Variants in MMP20 observed in about 807,000 individuals in gnomAD.
MMP20 encodes matrix metallopeptidase 20.
A neutral mutation model predicts 51.8 loss-of-function variants in MMP20; 50 were observed. That is an observed-to-expected ratio of 0.97 (90% CI 0.77 to 1.22). MMP20 has a LOEUF of 1.22. MMP20 is among the 50% of genes most tolerant of loss of function. The pLI is 0.00. For missense variants in MMP20, 663 were observed against 601.4 expected (o/e 1.10, Z -1.07); for synonymous variants, 244 against 216.2 (o/e 1.13, Z -1.13).
At chr11:102,587,721 T>G (rs981110146) in intron 8 of MMP20, among the ~76,000 whole-genome samples, 3 of 152,158 alleles carry the variant, frequency 2.0e-5, no homozygotes, top group African/African-American at 7.2e-5. Context: ...AGTAGCATTT[T>G]TTATTTCAAA....
chr11:102,612,499 CT>C (rs1217972833), intron 2 of MMP20, among the ~76,000 whole-genome samples: 1 of 151,940 alleles, frequency 6.6e-6, no homozygotes, highest in African/African-American at 2.4e-5. Flanking sequence ...ATAAATAAAA[CT>C]TGTGAAATGT....
intron 9 of MMP20, 89 bp from the exon 10 acceptor site, chr11:102,577,515 G>T: frequency 2.1e-6 from 2 of 935,820 alleles, no homozygotes; most frequent in South Asian, 1.4e-5. Context: ...TTCTTAAAGT[G>T]TCACCAAAGA....
chr11:102,615,073 T>C (rs1480662636), intron 2 of MMP20, among the ~76,000 whole-genome samples: 2 of 147,796 alleles, frequency 1.4e-5, no homozygotes, highest in Admixed American at 6.8e-5. Flanking sequence ...TTATTTAATA[T>C]AATGTATTTA....
intron 4 of MMP20, among the ~76,000 whole-genome samples, chr11:102,609,654 C>G (rs893536193): frequency 5.9e-5 from 9 of 152,140 alleles, no homozygotes; most frequent in African/African-American, 2.2e-4. Flanking sequence ...GAAACGAGAG[C>G]AGTGCGTTGA....
rs1182772844 is a variant in MMP20, at chr11:102,579,125, C to A, written c.1265G>T (p.Arg422Met). The A allele has an allele frequency of 6.2e-7, 1 of 1,612,498 alleles. No homozygotes were observed. The highest frequency in any genetic ancestry group is 8.5e-7 in the Non-Finnish European group (1 of 1,178,840). Reference protein sequence around the residue: ...DEYYSYDERKRKMEKDYPKNT... With the variant: ...DEYYSYDERKMKMEKDYPKNT... ...CTTTGGATAGTCTTTTTCCATTTTC[C>A]TTTTCCTTTCGTCGTAGCTAGAAAA... The change falls in exon 9 of 10, where the codon AGG (arginine) becomes ATG (methionine). Residue 422 changes from arginine (R) to methionine (M), a missense_variant. Arg to Met is a moderately conservative substitution (Grantham distance 91). Transcript: ENST00000260228.
intron 2 of MMP20, 22 bp from the exon 3 acceptor site, chr11:102,611,925 GTTTTC>G (rs770939112): frequency 1.2e-6 from 2 of 1,613,524 alleles, no homozygotes; most frequent in African/African-American, 2.7e-5. Flanking sequence ...GAAGGAACAT[GTTTTC>G]TTTTCAGTAA....
intron 8 of MMP20, among the ~76,000 whole-genome samples, chr11:102,591,979 T>C (rs559087223): frequency 1.3e-4 from 20 of 152,290 alleles, no homozygotes; most frequent in African/African-American, 4.6e-4. Flanking sequence ...AATTCCCCCA[T>C]TGAGAATCAC....
intron 8 of MMP20, among the ~76,000 whole-genome samples, chr11:102,586,642 T>C (rs1340977641): frequency 6.6e-6 from 1 of 151,870 alleles, no homozygotes; most frequent in African/African-American, 2.4e-5. Flanking sequence ...TGAAACCCCA[T>C]CTCTACTAAA....
intron 8 of MMP20, among the ~76,000 whole-genome samples, chr11:102,591,503 C>A (rs1280696382): frequency 6.6e-6 from 1 of 152,094 alleles, no homozygotes; most frequent in Non-Finnish European, 1.5e-5. Context: ...TTTTTGAGCA[C>A]CTGCTCTATG....
At chr11:102,587,656 AC>A (rs1213708773) in intron 8 of MMP20, among the ~76,000 whole-genome samples, 1 of 152,140 alleles carries the variant, frequency 6.6e-6, no homozygotes, top group East Asian at 1.9e-4. Flanking sequence ...GTTTATAATT[AC>A]ATCTTCATGG....
chr11:102,621,916 G>A (rs1166458551), intron 1 of MMP20, among the ~76,000 whole-genome samples: 2 of 152,070 alleles, frequency 1.3e-5, no homozygotes, highest in Admixed American at 1.3e-4. Flanking sequence ...ATTTTCCTTA[G>A]TTATGAGTTC....
At chr11:102,604,972 T>G (rs1859495401) in intron 6 of MMP20, among the ~76,000 whole-genome samples, 1 of 152,206 alleles carries the variant, frequency 6.6e-6, no homozygotes, top group Non-Finnish European at 1.5e-5. Flanking sequence ...GGGAATGCTC[T>G]GTGTTATGTG....
At chr11:102,597,187 C>G (rs1007417714) in intron 6 of MMP20, among the ~76,000 whole-genome samples, 1 of 152,194 alleles carries the variant, frequency 6.6e-6, no homozygotes, top group Non-Finnish European at 1.5e-5. Flanking sequence ...GCTGCTTTCT[C>G]TTTGATCACT....
intron 1 of MMP20, among the ~76,000 whole-genome samples, chr11:102,622,784 T>C (rs1014070644): frequency 1.3e-5 from 2 of 152,244 alleles, no homozygotes; most frequent in Non-Finnish European, 2.9e-5. Flanking sequence ...TTCTCCAGCA[T>C]ATGCCATGCT....
intron 1 of MMP20, among the ~76,000 whole-genome samples, chr11:102,622,377 T>C (rs1859762172): frequency 6.6e-6 from 1 of 152,178 alleles, no homozygotes; most frequent in African/African-American, 2.4e-5. Flanking sequence ...TTGGGACTCC[T>C]CTGGGACCCT....
Position 102,624,878 on chromosome 11 carries a change from C to T in MMP20, c.126+316G>A, listed in dbSNP as rs947358636. Among the ~76,000 whole-genome samples, 3 of 152,146 alleles carry T rather than the reference C, an allele frequency of 2.0e-5. No homozygotes were observed. The East Asian group carries it at 5.8e-4, about 29-fold the overall frequency. ...TTATTTTTCTGCTTCTATTTTTCCT[C>T]CTACATCATTCCCGGGAAGTACTTG... On this transcript the variant is annotated intron_variant, in intron 1 of 9. Coordinates refer to ENST00000260228, the MANE Select transcript of MMP20 (RefSeq NM_004771.4).
intron 2 of MMP20, 52 bp downstream of exon 2, chr11:102,616,760 A>G (rs1859676500): frequency 1.2e-6 from 2 of 1,607,346 alleles, no homozygotes; most frequent in Non-Finnish European, 1.7e-6. Context: ...GAAAAGGGAA[A>G]AAGAGAGAGG....
In MMP20 at chr11:102,611,786, T is replaced by G; in HGVS notation, c.492A>C (p.Glu164Asp). 1 of 1,614,242 alleles carries G rather than the reference T, an allele frequency of 6.2e-7. No individual in the cohort carries two copies. Among genetic ancestry groups the G allele is most frequent in the Non-Finnish European group, 8.5e-7 (1 of 1,180,046 alleles). Reference protein sequence around the residue: ...PLSFVRINSGEADIMISFENG... With the variant: ...PLSFVRINSGDADIMISFENG... ...TTTCAAAAGATATCATAATATCCGC[T>G]TCTCCTGAGTTTATTCTGACAAAGC... Residue 164 changes from glutamate (E) to aspartate (D), a missense_variant, in exon 3 of 10, where the codon GAA (glutamate) becomes GAC (aspartate). By Grantham distance (45) the Glu-to-Asp change is conservative (BLOSUM62 2). Transcript: ENST00000260228.
chr11:102,609,104 C>T lies in MMP20; in HGVS notation c.650-6G>A. The T allele has an allele frequency of 1.2e-6, 2 of 1,614,004 alleles. No individual in the cohort carries two copies. The highest frequency in any genetic ancestry group is 1.1e-5 in the South Asian group (1 of 91,080). On this transcript the variant is annotated splice_polypyrimidine_tract_variant and splice_region_variant and intron_variant, in intron 4 of 9. Transcript: ENST00000260228. ...AACGGTAAACAAATTAAAACCTAGA[C>T]AATATGAGAGAGAAAAAAACAGTAT...
Sources: gnomAD v4.1 joint callset for allele counts (sites outside exome capture counted in the v4.1 genomes callset) on GRCh38, gnomAD v4.1.1 for gene constraint, MANE v1.5 for transcripts, NCBI Gene and HGNC (gene_info 2026-07-23, HGNC 2026-07-21) for gene names.